HHIP: variants seen among roughly 807,000 people sequenced by gnomAD.
HHIP encodes the protein hedgehog-interacting protein.
In HHIP, 12 loss-of-function variants were observed where a neutral mutation model predicts 74.0. The observed-to-expected ratio is 0.16, with a 90% confidence interval of 0.10 to 0.26. The LOEUF (loss-of-function observed/expected upper bound fraction) is 0.26. HHIP is among the 10% of genes least tolerant of loss of function. The pLI, the probability that HHIP is intolerant of heterozygous loss-of-function variation, is 1.00. For synonymous variants in HHIP, 309 were observed against 311.6 expected, an observed-to-expected ratio of 0.99 and a Z score of 0.09; for missense variants, 788 against 845.0, an observed-to-expected ratio of 0.93 and a Z score of 0.84.
At chr4:144,723,847 G>A (rs957249097) in intron 11 of HHIP, among the ~76,000 whole-genome samples, 2 of 152,168 alleles carry the variant, frequency 1.3e-5, no homozygotes, top group Non-Finnish European at 2.9e-5. Flanking sequence ...TCAGCATGGT[G>A]GATTTGAAGT....
At chr4:144,647,988 T>A (rs1320608240) in intron 1 of HHIP, among the ~76,000 whole-genome samples, 6 of 147,860 alleles carry the variant, frequency 4.1e-5, no homozygotes, top group Admixed American at 2.0e-4. Flanking sequence ...CCAGGCATAA[T>A]AAAAAAAAAA....
In HHIP at chr4:144,707,206, T is replaced by C; in HGVS notation, c.1103T>C (p.Ile368Thr). 1 of 1,614,002 alleles carries C rather than the reference T, an allele frequency of 6.2e-7. No homozygotes were observed. Among genetic ancestry groups the C allele is most frequent in the Non-Finnish European group, 8.5e-7 (1 of 1,179,954 alleles). ...LFGPDGFLYI[I>T]LGDGMITLDD... ...GGCCCTGACGGCTTTTTGTACATCA[T>C]TCTTGGTGATGGGATGATTACACTG... is the stretch of plus-strand genomic sequence containing the variant. Residue 368 changes from isoleucine (I) to threonine (T), a missense_variant, in exon 6 of 13, where the codon ATT becomes ACT. Physicochemically the swap from Ile to Thr is moderately conservative, Grantham distance 89. This residue lies in a region of HHIP where 72 missense variants were observed against 130.6 expected (regional missense o/e 0.55). Coordinates refer to ENST00000296575, the MANE Select transcript of HHIP (RefSeq NM_022475.3).
intron 4 of HHIP, among the ~76,000 whole-genome samples, chr4:144,670,455 C>G: frequency 8.6e-6 from 1 of 116,742 alleles, no homozygotes; most frequent in East Asian, 2.7e-4. Context: ...AAGAGACTGT[C>G]AAAAAAAAAA....
chr4:144,696,607 A>G lies in HHIP; in HGVS notation c.832-9924A>G, dbSNP rs563442270. On this transcript the variant is annotated intron_variant, in intron 4 of 12. Coordinates refer to ENST00000296575, the MANE Select transcript of HHIP (RefSeq NM_022475.3). ...GAAGTACTTGGTAGGGCACTGTAAC[A>G]TAATAGTTCCCATTGTGTGTCTTCC... is the stretch of plus-strand genomic sequence containing the variant. 4.6e-5 allele frequency among the ~76,000 whole-genome samples: 7 copies of G among 152,020 alleles called. No individual in the cohort carries two copies. In the South Asian group the frequency reaches 1.2e-3, roughly 27 times the overall value.
In HHIP at chr4:144,738,137, A is replaced by G. The variant is rs534107689; in HGVS notation, c.*180A>G. 1.0e-5 allele frequency: 13 copies of G among 1,291,642 alleles called. No homozygotes were observed. Among genetic ancestry groups the G allele is most frequent in the East Asian group, 5.8e-5 (2 of 34,230 alleles). The allele number at this position is 1,291,642 out of a possible 1,614,324, so 80.0% of individuals were successfully genotyped here. On this transcript the variant is annotated 3_prime_UTR_variant, in exon 13 of 13. Coordinates refer to ENST00000296575, the MANE Select transcript of HHIP (RefSeq NM_022475.3). ...TGTATGTCAGCATGTTTGTTCACATATGCACATACACATACTCATAACCCC... is the reference window on the plus strand; with the variant it reads ...TGTATGTCAGCATGTTTGTTCACATGTGCACATACACATACTCATAACCCC...
At chr4:144,684,287 C>T (rs1359792182) in intron 4 of HHIP, among the ~76,000 whole-genome samples, 4 of 86,732 alleles carry the variant, frequency 4.6e-5, no homozygotes, top group Non-Finnish European at 8.2e-5. Flanking sequence ...GAGACGGAGT[C>T]TCGCTTTGTC....
chr4:144,726,622 C>A (rs1730813867), intron 11 of HHIP, among the ~76,000 whole-genome samples: 1 of 152,156 alleles, frequency 6.6e-6, no homozygotes, highest in Non-Finnish European at 1.5e-5. Context: ...GTGCAAATTT[C>A]TTTAACACTA....
chr4:144,689,060 T>C (rs77413006), intron 4 of HHIP, among the ~76,000 whole-genome samples: 3,107 of 152,344 alleles, frequency 0.02, 108 homozygotes, highest in African/African-American at 0.07. Flanking sequence ...AATCTTTCTA[T>C]CAATTGCTGG....
At chr4:144,736,880 T>G (rs185201529) in intron 12 of HHIP, among the ~76,000 whole-genome samples, 3,069 of 152,278 alleles carry the variant, frequency 0.02, 98 homozygotes, top group African/African-American at 0.069. Context: ...TTCTATCCCA[T>G]GTGTCAACCA....
intron 11 of HHIP, among the ~76,000 whole-genome samples, chr4:144,722,970 C>A (rs1730680391): frequency 6.6e-6 from 1 of 152,092 alleles, no homozygotes; most frequent in South Asian, 2.1e-4. Context: ...AGAATTCTGA[C>A]AAAGTTATGT....
chr4:144,705,020 T>C (rs989252901), intron 4 of HHIP, among the ~76,000 whole-genome samples: 7 of 152,240 alleles, frequency 4.6e-5, no homozygotes, highest in African/African-American at 1.7e-4. Context: ...ATGATTAAAA[T>C]TAAAATTATG....
chr4:144,739,734 A>G lies in HHIP; in HGVS notation c.*1777A>G, dbSNP rs1053247219. On this transcript the variant is annotated 3_prime_UTR_variant, in exon 13 of 13. Coordinates refer to ENST00000296575, the MANE Select transcript of HHIP (RefSeq NM_022475.3). ...AAAAGTGCATGCATAATTTTGCACA[A>G]TTTAGATTCAATTGACAGTCTATTC... The G allele has an allele frequency of 3.3e-5, 5 of 152,226 alleles. No individual in the cohort carries two copies. The highest frequency in any genetic ancestry group is 2.0e-4 in the Admixed American group (3 of 15,276). The allele number at this position is 152,226 out of a possible 1,614,324, so 9.4% of individuals were successfully genotyped here. A position where few individuals can be genotyped will look rare whatever the true frequency, so the allele number is the denominator to read the frequency against.
intron 11 of HHIP, among the ~76,000 whole-genome samples, chr4:144,724,080 T>C (rs1453832441): frequency 6.6e-6 from 1 of 152,172 alleles, no homozygotes; most frequent in Non-Finnish European, 1.5e-5. Context: ...TTGGGCAACA[T>C]CAAAGTTGAA....
At chr4:144,732,191 T>A (rs1488467867) in intron 11 of HHIP, among the ~76,000 whole-genome samples, 4 of 151,880 alleles carry the variant, frequency 2.6e-5, no homozygotes, top group Admixed American at 2.0e-4. Flanking sequence ...CCTGATAGAG[T>A]AACAGTTTAA....
chr4:144,677,688 C>A (rs796988081), intron 4 of HHIP, among the ~76,000 whole-genome samples: 34 of 152,254 alleles, frequency 2.2e-4, no homozygotes, highest in African/African-American at 7.9e-4. Flanking sequence ...TAAGACCACT[C>A]GGAGCCGGAG....
At position 144,743,559 on chromosome 4, in the gene HHIP, T is replaced by G. The variant is rs182859020; in HGVS notation, c.*5602T>G. On this transcript the variant is annotated 3_prime_UTR_variant, in exon 13 of 13. Transcript: ENST00000296575. ...CATAAAGTCAGCCATCATCTTTCAT[T>G]TAGGATTTCTTGGGGTTTTCTTTTT... 1.3e-5 allele frequency: 2 copies of G among 152,056 alleles called. No homozygotes were observed. Among genetic ancestry groups the G allele is most frequent in the Admixed American group, 6.6e-5 (1 of 15,266 alleles). 9.4% of individuals were successfully genotyped at this position (152,056 alleles called of 1,614,324 possible).
intron 4 of HHIP, among the ~76,000 whole-genome samples, chr4:144,662,287 T>A (rs1728735807): frequency 6.6e-6 from 1 of 152,170 alleles, no homozygotes; most frequent in Non-Finnish European, 1.5e-5. Flanking sequence ...TTGAGAGGGA[T>A]GCCATCAGCC....
Position 144,730,144 on chromosome 4 carries a change from T to A in HHIP, c.1761-4597T>A, listed in dbSNP as rs1004924384. Among the ~76,000 whole-genome samples the A allele has an allele frequency of 1.3e-5, 2 of 152,202 alleles. 1 individual carries two copies. Among genetic ancestry groups the A allele is most frequent in the Non-Finnish European group, 2.9e-5 (2 of 68,040 alleles). On this transcript the variant is annotated intron_variant, in intron 11 of 12. Coordinates refer to ENST00000296575, the MANE Select transcript of HHIP (RefSeq NM_022475.3). ...AGAAAGTCATCACCTCTAATGGATG[T>A]TATAAATAACTTATGCTTCTCAACT...
At chr4:144,650,814 C>A (rs1396611634) in intron 1 of HHIP, 2 of 152,088 alleles carry the variant, frequency 1.3e-5, no homozygotes, top group African/African-American at 4.8e-5. Flanking sequence ...GTGACCAGAA[C>A]ACATTCCAAA....
Sources: gnomAD v4.1 joint callset for allele counts (sites outside exome capture counted in the v4.1 genomes callset) on GRCh38, gnomAD v4.1.1 for gene constraint, gnomAD v4.1.1 regional missense constraint, MANE v1.5 for transcripts, NCBI Gene and HGNC (gene_info 2026-07-23, HGNC 2026-07-21) for gene names.